Variants in SEMA4B observed in about 807,000 individuals in gnomAD.
The protein encoded by SEMA4B is semaphorin-4B.
SEMA4B carries 55 observed loss-of-function variants against 88.1 expected under a neutral mutation model. The observed-to-expected ratio is 0.62, with a 90% confidence interval of 0.50 to 0.78. SEMA4B has a LOEUF of 0.78. Among genes scored for constraint, SEMA4B ranks in the 30% least tolerant of loss-of-function variants. SEMA4B has a pLI of 0.00. For synonymous variants in SEMA4B, 525 were observed against 473.6 expected (o/e 1.11, Z -1.41); for missense variants, 1,062 against 1,111.9 (o/e 0.96, Z 0.64).
At chr15:90,198,019 C>T (rs1245619554), upstream of SEMA4B, among the ~76,000 whole-genome samples, 4 of 151,406 alleles carry the variant, frequency 2.6e-5, no homozygotes, top group Non-Finnish European at 4.4e-5. Flanking sequence ...CTCCACCTCC[C>T]GGGTTCGCGC....
intron 11 of SEMA4B, 119 bp from the exon 12 acceptor site, chr15:90,225,542 T>C (rs1962118542): frequency 7.6e-7 from 1 of 1,308,168 alleles, no homozygotes; most frequent in Non-Finnish European, 1.1e-6. Context: ...GAAAGTGGGG[T>C]CGCCTGTTAC....
At chr15:90,220,016 C>CA in intron 4 of SEMA4B, 125 bp downstream of exon 4, 2 of 664,412 alleles carry the variant, frequency 3.0e-6, no homozygotes, top group Non-Finnish European at 5.0e-6. Flanking sequence ...TTCTAGGTAC[C>CA]ACTGGCCTCC....
intron 12 of SEMA4B, among the ~76,000 whole-genome samples, chr15:90,226,523 T>A (rs749936190): frequency 1.1e-4 from 16 of 152,102 alleles, no homozygotes; most frequent in South Asian, 2.1e-4. Context: ...GTATTTATAG[T>A]GGAGGCAGGG....
intron 1 of SEMA4B, among the ~76,000 whole-genome samples, chr15:90,185,943 T>C (rs1391356203): frequency 7.0e-6 from 1 of 142,964 alleles, no homozygotes; most frequent in African/African-American, 2.6e-5. Flanking sequence ...TTTTTTTTTT[T>C]TTTTTTTTGA....
In SEMA4B at chr15:90,223,723, G is replaced by A. The variant is rs1393826755; in HGVS notation, c.1026G>A (p.Gly342=). Residue 342 remains glycine (G), a synonymous_variant, in exon 8 of 14, where the codon GGG becomes GGA. Coordinates refer to ENST00000411539, the MANE Select transcript of SEMA4B (RefSeq NM_198925.4). ...ACTGGCGTGACACCCTTTTCTATGGGGTCTTCACTTCCCAGTGGTAGGGCC... is the reference window on the plus strand; with the variant it reads ...ACTGGCGTGACACCCTTTTCTATGGAGTCTTCACTTCCCAGTGGTAGGGCC... ...PQDWRDTLFY[G]VFTSQWHRGT... is the part of the protein sequence containing the mutation. The A allele has an allele frequency of 6.2e-7, 1 of 1,607,796 alleles. No individual in the cohort carries two copies.
chr15:90,224,867 G>C (rs190387030), intron 9 of SEMA4B, 101 bp from the exon 10 acceptor site: 43 of 958,084 alleles, frequency 4.5e-5, no homozygotes, highest in East Asian at 4.8e-5. Context: ...GGCTCCGGGC[G>C]GGGGGACAGA....
intron 1 of SEMA4B, among the ~76,000 whole-genome samples, chr15:90,205,555 A>G (rs561875467): frequency 6.6e-6 from 1 of 152,372 alleles, no homozygotes; most frequent in African/African-American, 2.4e-5. Context: ...CAAGAGAGGA[A>G]TAATGGCCAT....
intron 1 of SEMA4B, among the ~76,000 whole-genome samples, chr15:90,205,379 C>T (rs994621774): frequency 5.9e-5 from 9 of 152,210 alleles, no homozygotes; most frequent in Admixed American, 5.9e-4. Context: ...CCTTTGTCCC[C>T]AGCTCTGTCC....
At chr15:90,190,835 G>T (rs927598939) in intron 1 of SEMA4B, among the ~76,000 whole-genome samples, 2 of 152,012 alleles carry the variant, frequency 1.3e-5, no homozygotes, top group Non-Finnish European at 1.5e-5. Flanking sequence ...CAAGCTGGAG[G>T]TACCATCGTG....
intron 1 of SEMA4B, among the ~76,000 whole-genome samples, chr15:90,191,039 G>A (rs1247900404): frequency 6.6e-6 from 1 of 152,208 alleles, no homozygotes; most frequent in Non-Finnish European, 1.5e-5. Context: ...GGCAGACAGC[G>A]CCTCCTGAAC....
In SEMA4B at chr15:90,189,214, GGAA is replaced by G. The variant is rs1960275106; in HGVS notation, c.-122+4135_-122+4137del. ...GAAGTGAAGGAAGGAAGAAAAGGTA[GGAA>G]GGAGGGAGGGAAGGAAAGAAGGAAG... On this transcript the variant is annotated intron_variant, in intron 1 of 14. Coordinates refer to the SEMA4B transcript ENST00000332496. Among the ~76,000 whole-genome samples, 5 of 151,978 alleles carry G rather than the reference GGAA, an allele frequency of 3.3e-5. No individual in the cohort carries two copies. In the South Asian group the frequency reaches 1.0e-3, roughly 32 times the overall value.
At chr15:90,206,451 C>G in intron 1 of SEMA4B, 1 of 241,084 alleles carries the variant, frequency 4.1e-6, no homozygotes. Flanking sequence ...GCTATCCTGT[C>G]TGTAAGATAA....
chr15:90,208,501 A>G (rs1961100962), intron 1 of SEMA4B, among the ~76,000 whole-genome samples: 1 of 152,160 alleles, frequency 6.6e-6, no homozygotes. Flanking sequence ...ATTGATGGTC[A>G]CTGACCCCTA....
chr15:90,201,515 G>T lies in SEMA4B; in HGVS notation c.-64G>T. 2 of 1,336,356 alleles carry T rather than the reference G, an allele frequency of 1.5e-6. No individual in the cohort carries two copies. The highest frequency in any genetic ancestry group is 1.9e-6 in the Non-Finnish European group (2 of 1,048,832). The allele number at this position is 1,336,356 out of a possible 1,614,324, so 82.8% of individuals were successfully genotyped here. A position where few individuals can be genotyped will look rare whatever the true frequency, so the allele number is the denominator to read the frequency against. ...GGGCGGACCGCGGGGCGGAGCTGCC[G>T]CCCGTGAGTCCGGCCGAGCCACCTG... is the stretch of plus-strand genomic sequence containing the variant. On this transcript the variant is annotated 5_prime_UTR_variant, in exon 1 of 14. Transcript: ENST00000411539.
intron 1 of SEMA4B, 95 bp downstream of exon 1, chr15:90,201,830 G>A (rs1165252107): frequency 4.1e-6 from 5 of 1,229,018 alleles, no homozygotes; most frequent in East Asian, 3.1e-5. Flanking sequence ...GACCAAGGAG[G>A]GGACCTGTCG....
At chr15:90,206,889 T>C (rs1961018342) in intron 1 of SEMA4B, 1 of 708,762 alleles carries the variant, frequency 1.4e-6, no homozygotes, top group Non-Finnish European at 2.6e-6. Context: ...TTGGTTGCAG[T>C]TGTATAGTAG....
chr15:90,226,001 G>A lies in SEMA4B; in HGVS notation c.1688+174G>A, dbSNP rs190008856. ...TCAAGTGCAATTCAGACAGGAAATT[G>A]TGTGTTTATCTTGGCTACCTGTAAA... is the stretch of plus-strand genomic sequence containing the variant. On this transcript the variant is annotated intron_variant, in intron 12 of 13. Coordinates refer to ENST00000411539, the MANE Select transcript of SEMA4B (RefSeq NM_198925.4). Among the ~76,000 whole-genome samples the A allele has an allele frequency of 1.4e-3, 206 of 152,338 alleles. 2 individuals carry two copies. Among genetic ancestry groups the A allele is most frequent in the South Asian group, 3.3e-3 (16 of 4,830 alleles).
At chr15:90,193,522 C>T (rs967584150) in intron 1 of SEMA4B, 12 of 152,204 alleles carry the variant, frequency 7.9e-5, no homozygotes, top group Admixed American at 2.0e-4. Context: ...GCTGCCCAGT[C>T]GACATAAGAC....
At chr15:90,209,237 G>A (rs574520398) in intron 1 of SEMA4B, among the ~76,000 whole-genome samples, 6 of 152,218 alleles carry the variant, frequency 3.9e-5, no homozygotes, top group African/African-American at 1.4e-4. Flanking sequence ...TCTTGAAGAT[G>A]CTGTCAGCTT....
Sources: gnomAD v4.1 joint callset for allele counts (sites outside exome capture counted in the v4.1 genomes callset) on GRCh38, gnomAD v4.1.1 for gene constraint, MANE v1.5 for transcripts, NCBI Gene and HGNC (gene_info 2026-07-23, HGNC 2026-07-21) for gene names.